Variants in CCDC178 observed in about 807,000 individuals in gnomAD.
CCDC178 encodes the protein coiled-coil domain containing 178, also known as coiled-coil domain-containing protein 178.
A neutral mutation model predicts 117.4 loss-of-function variants in CCDC178; 126 were observed. The ratio of observed to expected loss-of-function variants is 1.07; its 90% CI spans 0.93 to 1.24. CCDC178 has a LOEUF of 1.24. Ranked by LOEUF, CCDC178 falls within the 50% of genes most tolerant of loss-of-function variation. The probability of loss-of-function intolerance (pLI) is 0.00; values close to 1 mark genes in which losing one functional copy is unlikely to be tolerated. For missense variants in CCDC178, 1,030 were observed against 986.9 expected, an observed-to-expected ratio of 1.04 and a Z score of -0.59; for synonymous variants, 283 against 313.4, an observed-to-expected ratio of 0.90 and a Z score of 1.02.
At chr18:33,018,148 A>G (rs1401031187) in intron 21 of CCDC178, among the ~76,000 whole-genome samples, 1 of 152,078 alleles carries the variant, frequency 6.6e-6, no homozygotes, top group African/African-American at 2.4e-5. Context: ...TTATCCAAAG[A>G]AGATATATAA....
chr18:33,411,428 GGCT>G (rs1472468793), intron 3 of CCDC178, among the ~76,000 whole-genome samples: 1 of 151,978 alleles, frequency 6.6e-6, no homozygotes, highest in Non-Finnish European at 1.5e-5. Flanking sequence ...GTAAATAAAA[GGCT>G]GCTGGCCAGA....
intron 11 of CCDC178, among the ~76,000 whole-genome samples, chr18:33,315,263 G>A (rs2062400167): frequency 6.6e-6 from 1 of 152,134 alleles, no homozygotes; most frequent in Non-Finnish European, 1.5e-5. Flanking sequence ...GGCAAAAAAA[G>A]GTGAGGTACG....
chr18:33,388,743 TCTC>T (rs1012341179), intron 5 of CCDC178, among the ~76,000 whole-genome samples: 1 of 151,272 alleles, frequency 6.6e-6, no homozygotes, highest in Non-Finnish European at 1.5e-5. Flanking sequence ...ATGGTCTCGA[TCTC>T]CTGACCTCGT....
rs1277521329 is a variant in CCDC178, at chr18:33,413,769, T to C, written c.-22-1659A>G. 3.9e-5 allele frequency among the ~76,000 whole-genome samples: 6 copies of C among 152,034 alleles called. No individual in the cohort carries two copies. In the South Asian group the frequency reaches 6.2e-4, roughly 16 times the overall value. On this transcript the variant is annotated intron_variant, in intron 2 of 22. Transcript: ENST00000383096. ...GTACTTGTGAGGGCCACACAAAACTTTGGAAACAGAAGATGGAATCCAGAC... is the reference window on the plus strand; with the variant it reads ...GTACTTGTGAGGGCCACACAAAACTCTGGAAACAGAAGATGGAATCCAGAC...
intron 4 of CCDC178, among the ~76,000 whole-genome samples, chr18:33,390,181 A>C (rs1163314525): frequency 6.6e-6 from 1 of 151,554 alleles, no homozygotes; most frequent in Non-Finnish European, 1.5e-5. Flanking sequence ...TTTTAGAAAG[A>C]GAAAATGTAG....
chr18:33,095,277 T>G (rs1231333172), intron 20 of CCDC178, among the ~76,000 whole-genome samples: 2 of 151,984 alleles, frequency 1.3e-5, no homozygotes, highest in Non-Finnish European at 2.9e-5. Flanking sequence ...GGTAAAACAT[T>G]AGGAAGATAG....
At chr18:33,151,896 T>A (rs2097942349) in intron 20 of CCDC178, among the ~76,000 whole-genome samples, 1 of 152,150 alleles carries the variant, frequency 6.6e-6, no homozygotes, top group Non-Finnish European at 1.5e-5. Context: ...AATATTATTA[T>A]GGTGAAAAAT....
chr18:33,093,135 T>C (rs2057493106), intron 20 of CCDC178, among the ~76,000 whole-genome samples: 1 of 152,126 alleles, frequency 6.6e-6, no homozygotes. Flanking sequence ...TTAACATTAA[T>C]GTGTGATTCA....
chr18:33,261,832 G>A (rs923127236), intron 14 of CCDC178, among the ~76,000 whole-genome samples: 1 of 151,934 alleles, frequency 6.6e-6, no homozygotes, highest in South Asian at 2.1e-4. Context: ...TCTCATAACT[G>A]GGTCATATTC....
At chr18:33,366,439 G>T (rs554315071) in intron 6 of CCDC178, among the ~76,000 whole-genome samples, 1 of 151,948 alleles carries the variant, frequency 6.6e-6, no homozygotes, top group African/African-American at 2.4e-5. Flanking sequence ...TGAGATAATG[G>T]GTAATTTAGA....
chr18:33,056,805 G>A (rs2056837918), intron 21 of CCDC178, among the ~76,000 whole-genome samples: 1 of 152,092 alleles, frequency 6.6e-6, no homozygotes, highest in Admixed American at 6.6e-5. Context: ...ACTTAATCAC[G>A]TATTGTGAGT....
intron 21 of CCDC178, among the ~76,000 whole-genome samples, chr18:33,088,070 A>C (rs1050207528): frequency 3.3e-5 from 5 of 152,136 alleles, no homozygotes; most frequent in African/African-American, 1.2e-4. Context: ...GGGTGAAGAA[A>C]GGATGCTGGA....
At chr18:33,229,068 A>C (rs67674725) in intron 15 of CCDC178, among the ~76,000 whole-genome samples, 24,411 of 152,032 alleles carry the variant, frequency 0.16, 2,725 homozygotes, top group African/African-American at 0.32. Context: ...CTCTAGAGTT[A>C]AGTTTAGTGT....
intron 20 of CCDC178, among the ~76,000 whole-genome samples, chr18:33,122,709 C>G (rs945197000): frequency 1.3e-5 from 2 of 152,092 alleles, no homozygotes; most frequent in East Asian, 3.9e-4. Context: ...TTTTTAAAGT[C>G]TGTTATTGAC....
At chr18:33,186,174 T>C (rs1395029258) in intron 20 of CCDC178, among the ~76,000 whole-genome samples, 1 of 152,112 alleles carries the variant, frequency 6.6e-6, no homozygotes, top group Non-Finnish European at 1.5e-5. Flanking sequence ...CAGTACATGA[T>C]AAAACTTGGA....
At chr18:33,076,374 G>A (rs1338303350) in intron 21 of CCDC178, among the ~76,000 whole-genome samples, 2 of 152,186 alleles carry the variant, frequency 1.3e-5, no homozygotes, top group Admixed American at 6.5e-5. Flanking sequence ...ATTCAATGTG[G>A]TAGTCCTTAC....
At chr18:33,110,887 T>A (rs1418978202) in intron 20 of CCDC178, among the ~76,000 whole-genome samples, 4 of 151,606 alleles carry the variant, frequency 2.6e-5, no homozygotes, top group African/African-American at 9.7e-5. Flanking sequence ...GCCCTTCACA[T>A]TTCCTTAGGC....
intron 4 of CCDC178, among the ~76,000 whole-genome samples, chr18:33,392,183 A>G (rs926479742): frequency 6.6e-6 from 1 of 152,050 alleles, no homozygotes; most frequent in African/African-American, 2.4e-5. Context: ...ATAATTCTAA[A>G]ACTGCAAAAA....
chr18:33,245,149 TTAAATTAAAATCTAATTATCA>T (rs2059533230), intron 15 of CCDC178, 75 bp downstream of exon 15: 13 of 1,181,894 alleles, frequency 1.1e-5, no homozygotes, highest in Non-Finnish European at 1.3e-5. Flanking sequence ...CTGTTAATCC[TTAAATTAAAATCTAATTATCA>T]AGATGAAATC....
Sources: gnomAD v4.1 joint callset for allele counts (sites outside exome capture counted in the v4.1 genomes callset) on GRCh38, gnomAD v4.1.1 for gene constraint, MANE v1.5 for transcripts, NCBI Gene and HGNC (gene_info 2026-07-23, HGNC 2026-07-21) for gene names.